The following ZBTB24 variants were observed in gnomAD, a reference collection of about 807,000 sequenced individuals.
The protein encoded by ZBTB24 is zinc finger and BTB domain-containing protein 24.
ZBTB24 carries 32 observed loss-of-function variants against 53.8 expected under a neutral mutation model. That is an observed-to-expected ratio of 0.60 (90% CI 0.45 to 0.80). The LOEUF is 0.80. Ranked by LOEUF, ZBTB24 falls within the 30% of genes least tolerant of loss-of-function variation. ZBTB24 has a pLI of 0.00. For synonymous variants in ZBTB24, 297 were observed against 306.7 expected (o/e 0.97, Z 0.33); for missense variants, 722 against 837.1 (o/e 0.86, Z 1.70).
chr6:109,481,239 T>A lies in ZBTB24; in HGVS notation c.788A>T (p.Lys263Ile), dbSNP rs148296427. The A allele has an allele frequency of 2.5e-6, 4 of 1,614,088 alleles. No homozygotes were observed. Among genetic ancestry groups the A allele is most frequent in the Admixed American group, 3.3e-5 (2 of 60,000 alleles). The part of the protein sequence containing the change: ...YSKRRIWRSV[K>I]LKDYKLVGDQ... ...CCCAACAAGTTTGTAATCTTTAAGT[T>A]TGACGGATCTCCAAATCCTCCGCTT... The change falls in exon 2 of 7, where the codon AAA becomes ATA. Residue 263 changes from lysine (K) to isoleucine (I), a missense_variant. Lys to Ile is a moderately radical substitution (Grantham distance 102, BLOSUM62 -3). Transcript: ENST00000230122.
At position 109,482,371 on chromosome 6, in the gene ZBTB24, C is replaced by G. The variant is rs144277910; in HGVS notation, c.-28-317G>C. On this transcript the variant is annotated intron_variant, in intron 1 of 6. Coordinates refer to ENST00000230122, the MANE Select transcript of ZBTB24 (RefSeq NM_014797.3). ...GTCCCAGCTACTCAGGAGGCTGCGGCAGGAGCATCACCTGAGCCTGGGAGT... is the reference window on the plus strand; with the variant it reads ...GTCCCAGCTACTCAGGAGGCTGCGGGAGGAGCATCACCTGAGCCTGGGAGT... Among the ~76,000 whole-genome samples, 922 of 152,172 alleles carry G rather than the reference C, an allele frequency of 6.1e-3. 7 individuals carry two copies. The highest frequency in any genetic ancestry group is 0.014 in the Middle Eastern group (4 of 294).
rs1319603796 is a variant in ZBTB24 at position 109,476,739 on chromosome 6, GGCCCTCTGGGCAA to G, written c.1120+11_1120+23del. ...TGGGGAATGGGAATCTGGTGAAGCT[GGCCCTCTGGGCAA>G]GCCCCACTACCTGAGTGCAGGCTCA... On this transcript the variant is annotated intron_variant, in intron 3 of 6. Transcript: ENST00000230122. 6.2e-7 allele frequency: 1 copy of G among 1,609,586 alleles called. No individual in the cohort carries two copies. The highest frequency in any genetic ancestry group is 1.3e-5 in the African/African-American group (1 of 74,982).
chr6:109,476,460 G>A (rs994339323), intron 3 of ZBTB24, among the ~76,000 whole-genome samples: 3 of 152,234 alleles, frequency 2.0e-5, no homozygotes, highest in African/African-American at 7.2e-5. Context: ...GAGTACTGGA[G>A]ACTGGGGTAG....
At chr6:109,472,196 TCAC>T (rs781282196) in intron 5 of ZBTB24, among the ~76,000 whole-genome samples, 16 of 152,196 alleles carry the variant, frequency 1.1e-4, no homozygotes, top group Middle Eastern at 3.4e-3. Context: ...CCAATGCCCT[TCAC>T]CAACATTCAA....
At chr6:109,471,301 G>A (rs906630987) in intron 5 of ZBTB24, among the ~76,000 whole-genome samples, 2 of 152,140 alleles carry the variant, frequency 1.3e-5, no homozygotes, top group African/African-American at 2.4e-5. Context: ...CTCTGACCAC[G>A]CCATACTGTT....
At chr6:109,470,725 T>C (rs1391259529) in intron 5 of ZBTB24, among the ~76,000 whole-genome samples, 2 of 152,226 alleles carry the variant, frequency 1.3e-5, no homozygotes, top group African/African-American at 4.8e-5. Flanking sequence ...GTGTTCATTG[T>C]AAAAGAATCA....
rs1310449884 is a variant in ZBTB24, at chr6:109,464,945, T to C, written c.*906A>G. 1 of 152,216 alleles carries C rather than the reference T, an allele frequency of 6.6e-6. No individual in the cohort carries two copies. The highest frequency in any genetic ancestry group is 1.5e-5 in the Non-Finnish European group (1 of 68,028). The allele number at this position is 152,216 out of a possible 1,614,324, so 9.4% of individuals were successfully genotyped here. A position where few individuals can be genotyped will look rare whatever the true frequency, so the allele number is the denominator to read the frequency against. On this transcript the variant is annotated 3_prime_UTR_variant, in exon 7 of 7. Transcript: ENST00000230122. ...AACATTTTCAGGAGATCAGTTAGAATTCAGTAGAGTATATATAAGACTTAA... is the reference window on the plus strand; with the variant it reads ...AACATTTTCAGGAGATCAGTTAGAACTCAGTAGAGTATATATAAGACTTAA...
intron 2 of ZBTB24, among the ~76,000 whole-genome samples, chr6:109,477,832 G>A (rs529304697): frequency 9.7e-4 from 147 of 152,250 alleles, no homozygotes; most frequent in Middle Eastern, 3.4e-3. Context: ...GAGCAGAAGC[G>A]TCTTCCAGTG....
Position 109,482,001 on chromosome 6 carries a change from GA to G in ZBTB24, c.25del (p.Ser9LeufsTer33). The G allele has an allele frequency of 1.2e-6, 2 of 1,614,208 alleles. No homozygotes were observed. The highest frequency in any genetic ancestry group is 1.7e-6 in the Non-Finnish European group (2 of 1,180,044). Reference protein sequence around the residue: MAETSPEPSGQLVVHSDAH... With the variant: MAETSPEPXGQLVVHSDAH... ...GTCTGAGTGTACAACAAGCTGCCCA[GA>G]AGGCTCTGGCGATGTTTCTGCCATT... On this transcript the variant is annotated frameshift_variant, in exon 2 of 7. Coordinates refer to ENST00000230122, the MANE Select transcript of ZBTB24 (RefSeq NM_014797.3). LOFTEE classifies it high-confidence loss of function.
At chr6:109,482,642 TCTCCA>T (rs1776452461) in intron 1 of ZBTB24, among the ~76,000 whole-genome samples, 5 of 151,926 alleles carry the variant, frequency 3.3e-5, no homozygotes, top group Admixed American at 3.3e-4. Context: ...GCTGAGTGAC[TCTCCA>T]GTATTCATGG....
Position 109,466,332 on chromosome 6 carries a change from T to C in ZBTB24, c.1613A>G (p.Gln538Arg). The change falls in exon 7 of 7, where the codon CAG (glutamine) becomes CGG (arginine). Residue 538 changes from glutamine to arginine, a missense_variant. Transcript: ENST00000230122. ...SNTEEVRNILQLQPYQLSTSG... is the reference protein window; with the variant it reads ...SNTEEVRNILRLQPYQLSTSG... ...GGTAGAGAGTTGATATGGCTGTAGCTGAAGAATATTCCTGACCTCTTCTGT... is the reference window on the plus strand; with the variant it reads ...GGTAGAGAGTTGATATGGCTGTAGCCGAAGAATATTCCTGACCTCTTCTGT... 6.2e-7 allele frequency: 1 copy of C among 1,614,238 alleles called. No individual in the cohort carries two copies. Among genetic ancestry groups the C allele is most frequent in the Non-Finnish European group, 8.5e-7 (1 of 1,180,042 alleles).
rs374544868 is a variant in ZBTB24 at position 109,481,265 on chromosome 6, G to A, written c.762C>T (p.Ser254=). 1.2e-5 allele frequency: 19 copies of A among 1,614,056 alleles called. No homozygotes were observed. The African/African-American group carries it at 2.5e-4, about 22-fold the overall frequency. The stretch of plus-strand genomic sequence containing the variant: ...TGACGGATCTCCAAATCCTCCGCTT[G>A]CTGTATCGACTCTGGCTTGCCTGGC... ...EDGQASQSRY[S]KRRIWRSVKL... The change falls in exon 2 of 7, where the codon AGC becomes AGT. Residue 254 remains serine (S), a synonymous_variant. Coordinates refer to ENST00000230122, the MANE Select transcript of ZBTB24 (RefSeq NM_014797.3).
chr6:109,481,248 C>G lies in ZBTB24; in HGVS notation c.779G>C (p.Arg260Thr). Reference sequence around the variant, plus strand: ...TTTGTAATCTTTAAGTTTGACGGATCTCCAAATCCTCCGCTTGCTGTATCG... The same window carrying G: ...TTTGTAATCTTTAAGTTTGACGGATGTCCAAATCCTCCGCTTGCTGTATCG... ...QSRYSKRRIW[R>T]SVKLKDYKLV... Residue 260 changes from arginine (R) to threonine (T), a missense_variant, in exon 2 of 7, where the codon AGA becomes ACA. Arg to Thr is a moderately conservative substitution (Grantham distance 71, BLOSUM62 -1). Transcript: ENST00000230122. The G allele has an allele frequency of 6.2e-7, 1 of 1,614,244 alleles. No individual in the cohort carries two copies. Among genetic ancestry groups the G allele is most frequent in the Non-Finnish European group, 8.5e-7 (1 of 1,180,046 alleles).
chr6:109,475,999 C>A (rs1776270129), intron 4 of ZBTB24, among the ~76,000 whole-genome samples, 176 bp downstream of exon 4: 1 of 152,226 alleles, frequency 6.6e-6, no homozygotes, highest in South Asian at 2.1e-4. Flanking sequence ...ACATAATTCA[C>A]ATGGTGGCGG....
chr6:109,481,985 T>C lies in ZBTB24; in HGVS notation c.42A>G (p.Val14=). The change falls in exon 2 of 7, where the codon GTA becomes GTG. Residue 14 remains valine, a synonymous_variant. Coordinates refer to ENST00000230122, the MANE Select transcript of ZBTB24 (RefSeq NM_014797.3). ...CAGTGTCACTGTGAGCGTCTGAGTG[T>C]ACAACAAGCTGCCCAGAAGGCTCTG... ...TSPEPSGQLV[V]HSDAHSDTVL... 1 of 1,614,208 alleles carries C rather than the reference T, an allele frequency of 6.2e-7. No homozygotes were observed. The highest frequency in any genetic ancestry group is 1.3e-5 in the African/African-American group (1 of 75,052).
intron 5 of ZBTB24, 123 bp from the exon 6 acceptor site, chr6:109,467,857 TC>T (rs1582670174): frequency 3.6e-6 from 4 of 1,109,676 alleles, no homozygotes. Flanking sequence ...ACAAAGGCAA[TC>T]CCCTCCGTAA....
In ZBTB24 at chr6:109,464,278, T is replaced by C. The variant is rs1451224427; in HGVS notation, c.*1573A>G. On this transcript the variant is annotated 3_prime_UTR_variant, in exon 7 of 7. Transcript: ENST00000230122. ...ATAATAAAATATAGCTTAGCAAATATGCAACCAAAATGTTTTTATCTTCTC... is the reference window on the plus strand; with the variant it reads ...ATAATAAAATATAGCTTAGCAAATACGCAACCAAAATGTTTTTATCTTCTC... 2.0e-5 allele frequency: 3 copies of C among 152,192 alleles called. No homozygotes were observed. Among genetic ancestry groups the C allele is most frequent in the Non-Finnish European group, 1.5e-5 (1 of 68,034 alleles). 9.4% of individuals were successfully genotyped at this position (152,192 alleles called of 1,614,324 possible). A position where few individuals can be genotyped will look rare whatever the true frequency, so the allele number is the denominator to read the frequency against.
intron 4 of ZBTB24, 98 bp downstream of exon 4, chr6:109,476,077 T>TA: frequency 7.3e-7 from 1 of 1,362,612 alleles, no homozygotes; most frequent in South Asian, 1.2e-5. Context: ...ATGTGAACGA[T>TA]ATGTGCTAAG....
In ZBTB24 at chr6:109,464,885, A is replaced by T. The variant is rs181097751; in HGVS notation, c.*966T>A. The T allele has an allele frequency of 2.1e-3, 315 of 152,374 alleles. 1 individual carries two copies. Among genetic ancestry groups the T allele is most frequent in the African/African-American group, 7.2e-3 (300 of 41,592 alleles). 9.4% of individuals were successfully genotyped at this position (152,374 alleles called of 1,614,324 possible). A position where few individuals can be genotyped will look rare whatever the true frequency, so the allele number is the denominator to read the frequency against. On this transcript the variant is annotated 3_prime_UTR_variant, in exon 7 of 7. Transcript: ENST00000230122. Reference sequence around the variant, plus strand: ...CAATAAAAATGAATTATAAGCTTCCATCTCCAGAAAGTTATCAGACACAAC... The same window carrying T: ...CAATAAAAATGAATTATAAGCTTCCTTCTCCAGAAAGTTATCAGACACAAC...
Sources: gnomAD v4.1 joint callset for allele counts (sites outside exome capture counted in the v4.1 genomes callset) on GRCh38, gnomAD v4.1.1 for gene constraint, MANE v1.5 for transcripts, NCBI Gene and HGNC (gene_info 2026-07-23, HGNC 2026-07-21) for gene names.